EYA2: variants seen among roughly 807,000 people sequenced by gnomAD.
EYA2 encodes the protein EYA transcriptional coactivator and phosphatase 2.
A neutral mutation model predicts 69.2 loss-of-function variants in EYA2; 31 were observed. The observed-to-expected ratio is 0.45, with a 90% confidence interval of 0.34 to 0.60. The LOEUF (loss-of-function observed/expected upper bound fraction) is 0.60. Ranked by LOEUF, EYA2 falls within the 20% of genes least tolerant of loss-of-function variation. The pLI is 0.02. For synonymous variants in EYA2, 257 were observed against 279.4 expected (o/e 0.92, Z 0.80); for missense variants, 622 against 701.2 (o/e 0.89, Z 1.28).
intron 11 of EYA2, among the ~76,000 whole-genome samples, chr20:47,171,820 A>T (rs1203214137): frequency 1.3e-5 from 2 of 152,142 alleles, no homozygotes; most frequent in Non-Finnish European, 2.9e-5. Context: ...GGCCGGGCAC[A>T]GTGGCTCACG....
intron 14 of EYA2, among the ~76,000 whole-genome samples, chr20:47,182,606 G>T (rs1370170426): frequency 9.7e-6 from 1 of 103,530 alleles, no homozygotes; most frequent in Non-Finnish European, 1.8e-5. Context: ...TCCAGCCTGG[G>T]CAACAAGAAC....
chr20:47,056,727 A>G (rs1189645815), intron 5 of EYA2, among the ~76,000 whole-genome samples: 1 of 152,122 alleles, frequency 6.6e-6, no homozygotes, highest in East Asian at 1.9e-4. Flanking sequence ...ATCCAAGGAG[A>G]CAGGACCCTG....
intron 1 of EYA2, among the ~76,000 whole-genome samples, chr20:46,903,515 C>T (rs1346365997): frequency 6.6e-6 from 1 of 152,158 alleles, no homozygotes. Context: ...GACTTTCAGC[C>T]TCGAGATTAA....
At chr20:47,121,445 A>G (rs1426832823) in intron 9 of EYA2, among the ~76,000 whole-genome samples, 1 of 152,166 alleles carries the variant, frequency 6.6e-6, no homozygotes, top group Non-Finnish European at 1.5e-5. Flanking sequence ...GAGTTTGGGT[A>G]GTTTATGGTC....
chr20:47,150,306 T>G (rs534393340), intron 10 of EYA2, among the ~76,000 whole-genome samples: 12 of 152,326 alleles, frequency 7.9e-5, no homozygotes, highest in African/African-American at 2.9e-4. Flanking sequence ...GCCTTCTCAC[T>G]GTCCCCCTGC....
At chr20:46,964,881 G>C (rs560390145) in intron 1 of EYA2, among the ~76,000 whole-genome samples, 1 of 152,150 alleles carries the variant, frequency 6.6e-6, no homozygotes, top group Non-Finnish European at 1.5e-5. Flanking sequence ...TGAATTTAGG[G>C]GATAATACAC....
At chr20:47,068,384 C>T (rs1026943852) in intron 5 of EYA2, among the ~76,000 whole-genome samples, 1 of 152,246 alleles carries the variant, frequency 6.6e-6, no homozygotes, top group African/African-American at 2.4e-5. Flanking sequence ...GCCTTCTCTG[C>T]TGCCAAGACC....
chr20:47,057,701 G>A (rs1054738128), intron 5 of EYA2, among the ~76,000 whole-genome samples: 2 of 152,224 alleles, frequency 1.3e-5, no homozygotes, highest in Non-Finnish European at 2.9e-5. Context: ...TGGAAGGGGG[G>A]ATGTCTGTTC....
chr20:46,987,681 C>T (rs2146323315), intron 1 of EYA2, among the ~76,000 whole-genome samples: 1 of 152,202 alleles, frequency 6.6e-6, no homozygotes, highest in East Asian at 1.9e-4. Context: ...AATCCCAACA[C>T]TTTGGGAGGC....
intron 15 of EYA2, among the ~76,000 whole-genome samples, chr20:47,187,749 CA>C (rs2034673929): frequency 6.6e-6 from 1 of 152,250 alleles, no homozygotes; most frequent in African/African-American, 2.4e-5. Context: ...TGCAATTTAA[CA>C]CCATGTCAGT....
intron 5 of EYA2, among the ~76,000 whole-genome samples, chr20:47,026,325 C>T (rs1393024511): frequency 6.6e-6 from 1 of 152,090 alleles, no homozygotes; most frequent in Non-Finnish European, 1.5e-5. Context: ...AATACTAGAA[C>T]GAGAATAAGC....
At chr20:47,105,601 G>T (rs1340530696) in intron 9 of EYA2, among the ~76,000 whole-genome samples, 1 of 145,290 alleles carries the variant, frequency 6.9e-6, no homozygotes, top group Non-Finnish European at 1.5e-5. Context: ...CTCCAGCCTG[G>T]GCGACAGAGC....
At chr20:46,993,218 T>C (rs1254038376) in intron 2 of EYA2, among the ~76,000 whole-genome samples, 1 of 152,196 alleles carries the variant, frequency 6.6e-6, no homozygotes, top group East Asian at 1.9e-4. Context: ...ATGAAATGAG[T>C]TGAAACAGGG....
At chr20:47,128,939 A>T (rs2033265759) in intron 9 of EYA2, among the ~76,000 whole-genome samples, 1 of 152,182 alleles carries the variant, frequency 6.6e-6, no homozygotes, top group African/African-American at 2.4e-5. Context: ...CCTGGCCAAC[A>T]TGGTGAAACC....
At chr20:47,121,461 G>A (rs2033042201) in intron 9 of EYA2, among the ~76,000 whole-genome samples, 1 of 152,082 alleles carries the variant, frequency 6.6e-6, no homozygotes, top group Admixed American at 6.5e-5. Context: ...TGGTCTTCAA[G>A]GAATTGATTC....
chr20:47,126,408 G>A (rs1025871520), intron 9 of EYA2, among the ~76,000 whole-genome samples: 4 of 152,116 alleles, frequency 2.6e-5, no homozygotes, highest in African/African-American at 9.7e-5. Flanking sequence ...GTGGGTTTTC[G>A]TGAGGTTAAG....
chr20:47,072,273 ATTCTTTCCTCAG>A (rs760231150), intron 6 of EYA2, 21 bp downstream of exon 6: 1 of 1,600,176 alleles, frequency 6.2e-7, no homozygotes, highest in South Asian at 1.1e-5. Flanking sequence ...CTCCCTCCCG[ATTCTTTCCTCAG>A]TTCTTTCTGG....
chr20:46,932,344 C>G (rs565535705), intron 1 of EYA2, among the ~76,000 whole-genome samples: 1 of 152,292 alleles, frequency 6.6e-6, no homozygotes, highest in Non-Finnish European at 1.5e-5. Context: ...CTGCTCCCCC[C>G]ACCAAGTGGT....
At chr20:47,140,079 C>T (rs1435560308) in intron 9 of EYA2, among the ~76,000 whole-genome samples, 1 of 152,164 alleles carries the variant, frequency 6.6e-6, no homozygotes, top group Non-Finnish European at 1.5e-5. Flanking sequence ...GTGGCAGCTC[C>T]TTCTTGCTTC....
Sources: allele counts gnomAD v4.1 joint callset (sites outside exome capture counted in the v4.1 genomes callset), GRCh38; gene constraint gnomAD v4.1.1; transcripts MANE v1.5; gene names NCBI Gene and HGNC (gene_info 2026-07-23, HGNC 2026-07-21).